Variants in ADAM28 observed in about 807,000 individuals in gnomAD.
The protein encoded by ADAM28 is ADAM metallopeptidase domain 28.
ADAM28 carries 105 observed loss-of-function variants against 101.2 expected under a neutral mutation model. The observed-to-expected ratio is 1.04, with a 90% CI of 0.89 to 1.22. The LOEUF (loss-of-function observed/expected upper bound fraction) is 1.22, where lower values mean the gene tolerates loss of function less well. ADAM28 is among the 50% of genes most tolerant of loss of function. The pLI is 0.00. For missense variants in ADAM28, 1,028 were observed against 945.4 expected, an observed-to-expected ratio of 1.09 and a Z score of -1.15; for synonymous variants, 322 against 310.6, an observed-to-expected ratio of 1.04 and a Z score of -0.39.
chr8:24,329,847 CTGTGTGTGTGTGTGTGTGTGTTTG>C (rs1296692128), intron 10 of ADAM28, 114 bp from the exon 11 acceptor site: 14 of 672,782 alleles, frequency 2.1e-5, no homozygotes, highest in African/African-American at 3.8e-5. Flanking sequence ...CTCTCTTGCT[CTGTGTGTGTGTGTGTGTGTGTTTG>C]TGTGTGTGTG....
chr8:24,307,700 A>G (rs181429385), intron 2 of ADAM28, among the ~76,000 whole-genome samples: 45 of 152,314 alleles, frequency 3.0e-4, no homozygotes, highest in Admixed American at 8.5e-4. Flanking sequence ...AAAGTCCCTG[A>G]TGCTGGGAAC....
chr8:24,294,279 A>T, intron 1 of ADAM28, 84 bp downstream of exon 1: 1 of 1,490,338 alleles, frequency 6.7e-7, no homozygotes. Context: ...TGTATAAACT[A>T]TTTTGACTTT....
At chr8:24,340,486 G>A (rs758708696) in intron 15 of ADAM28, among the ~76,000 whole-genome samples, 2 of 152,136 alleles carry the variant, frequency 1.3e-5, no homozygotes, top group Non-Finnish European at 2.9e-5. Context: ...AATTGTAGGT[G>A]GTGAATGGGA....
intron 8 of ADAM28, chr8:24,322,625 G>A (rs1812034206): frequency 6.6e-6 from 1 of 152,000 alleles, no homozygotes; most frequent in Non-Finnish European, 1.5e-5. Flanking sequence ...GAGATGTAGA[G>A]GCAAGTTGCT....
intron 2 of ADAM28, among the ~76,000 whole-genome samples, chr8:24,303,337 T>C (rs1422046548): frequency 3.3e-5 from 5 of 152,082 alleles, no homozygotes; most frequent in African/African-American, 9.7e-5. Flanking sequence ...AACAAAGGGG[T>C]CCAGTTTCAA....
At chr8:24,344,336 C>G (rs1044110137) in intron 18 of ADAM28, among the ~76,000 whole-genome samples, 9 of 152,188 alleles carry the variant, frequency 5.9e-5, no homozygotes, top group Non-Finnish European at 1.0e-4. Flanking sequence ...GCTCCCCTCT[C>G]TGTCTGATAT....
chr8:24,341,751 TAAC>T lies in ADAM28; in HGVS notation c.1827_1829del (p.Asn609del), dbSNP rs774835624. On this transcript the variant is annotated inframe_deletion, in exon 16 of 23. Coordinates refer to ENST00000265769, the MANE Select transcript of ADAM28 (RefSeq NM_014265.6). ...TGGCCAATGGAACTAAGTGTGGCGA[TAAC>T]AAGGTAAGTTGAAATTGTGGCTTTC... is the stretch of plus-strand genomic sequence containing the variant. 3 of 1,613,622 alleles carry T rather than the reference TAAC, an allele frequency of 1.9e-6. No homozygotes were observed. Among genetic ancestry groups the T allele is most frequent in the South Asian group, 2.2e-5 (2 of 90,990 alleles).
intron 9 of ADAM28, among the ~76,000 whole-genome samples, chr8:24,325,303 A>T (rs1201889330): frequency 3.3e-5 from 5 of 151,988 alleles, no homozygotes; most frequent in Admixed American, 3.3e-4. Context: ...CCTTGAAGAG[A>T]TCAGAATAAA....
chr8:24,298,374 A>G (rs1808257160), intron 1 of ADAM28, among the ~76,000 whole-genome samples: 1 of 152,070 alleles, frequency 6.6e-6, no homozygotes, highest in African/African-American at 2.4e-5. Flanking sequence ...AATGTAAGTG[A>G]CTCTTGAGTC....
At chr8:24,314,145 A>G (rs1810849270) in intron 6 of ADAM28, among the ~76,000 whole-genome samples, 1 of 152,202 alleles carries the variant, frequency 6.6e-6, no homozygotes, top group Non-Finnish European at 1.5e-5. Flanking sequence ...CTGTCACACT[A>G]TTCCCTGTAG....
rs746740633 is a variant in ADAM28, at chr8:24,323,983, TG to T, written c.871del (p.Asp291IlefsTer5). ...GSVLSRRKRHDIAQLITATEL... is the reference protein window; with the variant it reads ...GSVLSRRKRHXIAQLITATEL... ...GTGTTCTCTCAAGAAGAAAGCGTCA[TG>T]ATATTGCTCAGTTAATCACGTATGT... On this transcript the variant is annotated frameshift_variant, in exon 9 of 23. Coordinates refer to ENST00000265769, the MANE Select transcript of ADAM28 (RefSeq NM_014265.6). LOFTEE classifies it high-confidence loss of function. 6 of 1,611,848 alleles carry T rather than the reference TG, an allele frequency of 3.7e-6. No individual in the cohort carries two copies. In the African/African-American group the frequency reaches 6.7e-5, roughly 18 times the overall value.
intron 5 of ADAM28, among the ~76,000 whole-genome samples, chr8:24,312,281 A>G (rs575305360): frequency 1.3e-5 from 2 of 152,196 alleles, no homozygotes; most frequent in African/African-American, 4.8e-5. Flanking sequence ...TTGTCTTTTG[A>G]ATCTGGTATG....
At chr8:24,335,129 A>G (rs769662302) in intron 13 of ADAM28, among the ~76,000 whole-genome samples, 13 of 151,770 alleles carry the variant, frequency 8.6e-5, no homozygotes, top group Admixed American at 3.9e-4. Flanking sequence ...CAACAAAAGG[A>G]GAAATAACTC....
intron 14 of ADAM28, chr8:24,335,908 A>G: frequency 8.8e-7 from 1 of 1,140,086 alleles, no homozygotes; most frequent in Non-Finnish European, 1.1e-6. Context: ...AGTATATCCC[A>G]TGCAATATTT....
intron 6 of ADAM28, among the ~76,000 whole-genome samples, chr8:24,317,725 A>G (rs1481618921): frequency 6.6e-6 from 1 of 151,972 alleles, no homozygotes; most frequent in African/African-American, 2.4e-5. Flanking sequence ...AAGCAAACAA[A>G]CAAAATGAAA....
In ADAM28 at chr8:24,320,331, T is replaced by C. The variant is rs1811703354; in HGVS notation, c.648+24T>C. 9 of 1,496,618 alleles carry C rather than the reference T, an allele frequency of 6.0e-6. No individual in the cohort carries two copies. The Middle Eastern group carries it at 1.2e-3, about 203-fold the overall frequency. 92.7% of individuals were successfully genotyped at this position (1,496,618 alleles called of 1,614,324 possible). The stretch of plus-strand genomic sequence containing the variant: ...AGGTAATTATATGAGATAAATGTGC[T>C]GTCTTCCAAAACTCCCACCCACATA... On this transcript the variant is annotated intron_variant, in intron 7 of 22. Transcript: ENST00000265769.
intron 9 of ADAM28, among the ~76,000 whole-genome samples, chr8:24,325,891 A>AC (rs1288887264): frequency 6.9e-6 from 1 of 144,212 alleles, no homozygotes; most frequent in African/African-American, 2.5e-5. Context: ...AAAAAAAAAA[A>AC]AAAAAAAAAC....
chr8:24,320,545 T>A (rs891124128), intron 7 of ADAM28, among the ~76,000 whole-genome samples: 1 of 152,010 alleles, frequency 6.6e-6, no homozygotes, highest in African/African-American at 2.4e-5. Flanking sequence ...ATAACACTAT[T>A]TTCTTATTGA....
intron 1 of ADAM28, among the ~76,000 whole-genome samples, chr8:24,295,388 T>C (rs983479974): frequency 3.3e-5 from 5 of 152,194 alleles, no homozygotes; most frequent in Non-Finnish European, 1.5e-5. Flanking sequence ...GCCTGAAATA[T>C]TAAAAATATA....
Sources: gnomAD v4.1 joint callset for allele counts (sites outside exome capture counted in the v4.1 genomes callset) on GRCh38, gnomAD v4.1.1 for gene constraint, MANE v1.5 for transcripts, NCBI Gene and HGNC (gene_info 2026-07-23, HGNC 2026-07-21) for gene names.